Variants in KIF16B observed in about 807,000 individuals in gnomAD.
KIF16B encodes kinesin family member 16B.
In KIF16B, 98 loss-of-function variants were observed where a neutral mutation model predicts 156.3. The observed-to-expected ratio is 0.63, with a 90% CI of 0.53 to 0.74. KIF16B has a LOEUF of 0.74. Among genes scored for constraint, KIF16B ranks in the 30% least tolerant of loss-of-function variants. The pLI is 0.00. For missense variants in KIF16B, 1,421 were observed against 1,606.5 expected (o/e 0.88, Z 1.97); for synonymous variants, 564 against 583.7 (o/e 0.97, Z 0.49).
chr20:16,537,672 C>T (rs1385340726), intron 1 of KIF16B, among the ~76,000 whole-genome samples: 3 of 151,494 alleles, frequency 2.0e-5, no homozygotes, highest in African/African-American at 7.3e-5. Context: ...CACTTCCCAC[C>T]CACATGTTCT....
At position 16,494,358 on chromosome 20, in the gene KIF16B, G is replaced by T; in HGVS notation, c.1243-8C>A. The T allele has an allele frequency of 6.4e-7, 1 of 1,569,812 alleles. No homozygotes were observed. The highest frequency in any genetic ancestry group is 8.7e-7 in the Non-Finnish European group (1 of 1,148,320). The stretch of plus-strand genomic sequence containing the variant: ...CTTGGTCAATTCTTGAACCTGAAAA[G>T]AAAAATATACATACGTGACTGCTTC... On this transcript the variant is annotated splice_region_variant and splice_polypyrimidine_tract_variant and intron_variant, in intron 11 of 25. Transcript: ENST00000354981.
chr20:16,518,109 T>C (rs1386924881), intron 3 of KIF16B, among the ~76,000 whole-genome samples: 1 of 152,104 alleles, frequency 6.6e-6, no homozygotes, highest in African/African-American at 2.4e-5. Flanking sequence ...AATCCAGGTC[T>C]GGAGGCGCAG....
chr20:16,486,881 A>G (rs6044014), intron 12 of KIF16B, among the ~76,000 whole-genome samples: 33,054 of 152,056 alleles, frequency 0.22, 7,121 homozygotes, highest in African/African-American at 0.56. Context: ...AAAATCTAGG[A>G]GAAATCGATG....
chr20:16,314,619 G>A (rs183143162), intron 24 of KIF16B, among the ~76,000 whole-genome samples: 31 of 152,330 alleles, frequency 2.0e-4, no homozygotes, highest in African/African-American at 6.5e-4. Flanking sequence ...CTCTGAGCCC[G>A]AGTATTCTCT....
intron 15 of KIF16B, among the ~76,000 whole-genome samples, chr20:16,407,329 C>T (rs913112054): frequency 2.2e-4 from 34 of 152,136 alleles, no homozygotes; most frequent in African/African-American, 7.5e-4. Flanking sequence ...GTATGAGAGG[C>T]CACGTGTATG....
intron 1 of KIF16B, among the ~76,000 whole-genome samples, chr20:16,530,386 T>C (rs2069702267): frequency 6.6e-6 from 1 of 152,198 alleles, no homozygotes; most frequent in Admixed American, 6.5e-5. Context: ...CTGTGACTTC[T>C]GTCTTGCTGG....
At chr20:16,332,209 G>A (rs1286849512) in intron 24 of KIF16B, among the ~76,000 whole-genome samples, 2 of 152,038 alleles carry the variant, frequency 1.3e-5, no homozygotes, top group Admixed American at 6.6e-5. Context: ...CTCATCAATT[G>A]TTTGATACAA....
chr20:16,299,349 T>G (rs1235359659), intron 25 of KIF16B, among the ~76,000 whole-genome samples: 1 of 152,160 alleles, frequency 6.6e-6, no homozygotes, highest in Non-Finnish European at 1.5e-5. Flanking sequence ...TTCTACATAT[T>G]GTCATAAAAT....
intron 11 of KIF16B, among the ~76,000 whole-genome samples, chr20:16,496,874 T>TA (rs1377492405): frequency 3.9e-5 from 6 of 152,220 alleles, no homozygotes; most frequent in African/African-American, 1.4e-4. Flanking sequence ...CCCCAATTTT[T>TA]ATCTTCCATA....
intron 23 of KIF16B, among the ~76,000 whole-genome samples, chr20:16,348,919 A>C (rs772013543): frequency 6.6e-5 from 10 of 152,210 alleles, no homozygotes; most frequent in Non-Finnish European, 1.2e-4. Flanking sequence ...ATGCTGCCTC[A>C]TGATATGCAC....
At chr20:16,298,926 A>G (rs901102138) in intron 25 of KIF16B, among the ~76,000 whole-genome samples, 11 of 152,212 alleles carry the variant, frequency 7.2e-5, no homozygotes, top group African/African-American at 2.6e-4. Flanking sequence ...AAAAAGAGAG[A>G]AAAACCTACA....
intron 24 of KIF16B, among the ~76,000 whole-genome samples, chr20:16,317,769 A>G (rs1442651929): frequency 6.6e-6 from 1 of 152,238 alleles, no homozygotes; most frequent in East Asian, 1.9e-4. Flanking sequence ...GACGGGAGAC[A>G]AGGGTGGCCT....
intron 1 of KIF16B, among the ~76,000 whole-genome samples, chr20:16,531,479 C>A (rs1380463297): frequency 6.6e-6 from 1 of 152,162 alleles, no homozygotes. Context: ...TGTGAGAAAA[C>A]CAGGTACGAG....
At chr20:16,415,004 T>C (rs530140413) in intron 15 of KIF16B, among the ~76,000 whole-genome samples, 1 of 152,290 alleles carries the variant, frequency 6.6e-6, no homozygotes, top group East Asian at 1.9e-4. Context: ...TGATGCTCAA[T>C]AGGTTAGGTG....
intron 1 of KIF16B, among the ~76,000 whole-genome samples, chr20:16,567,233 T>C (rs778885225): frequency 1.3e-5 from 2 of 152,178 alleles, no homozygotes; most frequent in Admixed American, 6.5e-5. Context: ...TTGTTCCTCA[T>C]CTGTAGAATG....
rs766899784 is a variant in KIF16B at position 16,507,975 on chromosome 20, T to A, written c.682A>T (p.Thr228Ser). Residue 228 changes from threonine to serine, a missense_variant, in exon 7 of 26, where the codon ACC becomes TCC. Transcript: ENST00000354981. ...DVSSRSHAIF[T>S]IKFTQAKFDS... Reference sequence around the variant, plus strand: ...GCCCTTACCTGAGTGAACTTGATGGTGAAGATGGCATGAGACCTGCTACTG... The same window carrying A: ...GCCCTTACCTGAGTGAACTTGATGGAGAAGATGGCATGAGACCTGCTACTG... The A allele has an allele frequency of 2.5e-6, 4 of 1,614,112 alleles. No individual in the cohort carries two copies. The highest frequency in any genetic ancestry group is 2.5e-6 in the Non-Finnish European group (3 of 1,180,002).
chr20:16,445,988 G>T (rs575495877), intron 12 of KIF16B, among the ~76,000 whole-genome samples: 1 of 152,242 alleles, frequency 6.6e-6, no homozygotes, highest in East Asian at 1.9e-4. Context: ...CCTGTATTTG[G>T]TCATAGACAG....
intron 1 of KIF16B, among the ~76,000 whole-genome samples, chr20:16,562,815 G>T (rs2071114599): frequency 2.0e-5 from 3 of 152,132 alleles, no homozygotes; most frequent in African/African-American, 4.8e-5. Flanking sequence ...TCTGAAGACG[G>T]GCATATGAGA....
At chr20:16,343,330 T>C (rs968672188) in intron 23 of KIF16B, among the ~76,000 whole-genome samples, 3 of 152,220 alleles carry the variant, frequency 2.0e-5, no homozygotes, top group African/African-American at 7.2e-5. Flanking sequence ...GGTTTAAGGA[T>C]TGCCAGTGTT....
Sources: allele counts gnomAD v4.1 joint callset (sites outside exome capture counted in the v4.1 genomes callset), GRCh38; gene constraint gnomAD v4.1.1; transcripts MANE v1.5; gene names NCBI Gene and HGNC (gene_info 2026-07-23, HGNC 2026-07-21).